FGR: variants seen among roughly 807,000 people sequenced by gnomAD.
FGR encodes the protein tyrosine-protein kinase Fgr.
In FGR, 26 loss-of-function variants were observed where a neutral mutation model predicts 63.2. The ratio of observed to expected loss-of-function variants is 0.41; its 90% CI spans 0.30 to 0.57. The LOEUF (loss-of-function observed/expected upper bound fraction) is 0.57, where lower values mean the gene tolerates loss of function less well. FGR is among the 20% of genes least tolerant of loss of function. The pLI is 0.27. For missense variants in FGR, 511 were observed against 690.8 expected (o/e 0.74, Z 2.92); for synonymous variants, 286 against 277.7 (o/e 1.03, Z -0.30).
chr1:27,622,154 A>G (rs2089940428), intron 4 of FGR, among the ~76,000 whole-genome samples: 1 of 152,062 alleles, frequency 6.6e-6, no homozygotes, highest in Non-Finnish European at 1.5e-5. Context: ...TTTACTGAAA[A>G]TACAAAAAAT....
chr1:27,618,031 C>T (rs1026002195), intron 5 of FGR, among the ~76,000 whole-genome samples: 3 of 152,178 alleles, frequency 2.0e-5, no homozygotes, highest in Admixed American at 2.0e-4. Context: ...ATGAAACTGG[C>T]CTGTGGCCAT....
rs2089829508 is a variant in FGR, at chr1:27,617,170, T to C, written c.532+23A>G. ...CCAATGGCTGGGCCTCCCAGTCGCC[T>C]TGGGGCGTGGCACCACCCCTACCTT... is the stretch of plus-strand genomic sequence containing the variant. On this transcript the variant is annotated intron_variant, in intron 6 of 12. Transcript: ENST00000374005. This position sits in a 1 kb window ranked among gnomAD's most constrained non-coding sequence, Gnocchi z 4.5. 2 of 1,610,294 alleles carry C rather than the reference T, an allele frequency of 1.2e-6. No homozygotes were observed. Among genetic ancestry groups the C allele is most frequent in the African/African-American group, 1.3e-5 (1 of 74,818 alleles).
At chr1:27,622,442 A>G (rs1328793971) in intron 4 of FGR, among the ~76,000 whole-genome samples, 1 of 149,054 alleles carries the variant, frequency 6.7e-6, no homozygotes, top group Non-Finnish European at 1.5e-5. Context: ...ATTCTCTCTC[A>G]CTCTCTTCCT....
chr1:27,621,380 C>G (rs1363210731), intron 5 of FGR, among the ~76,000 whole-genome samples, 179 bp downstream of exon 5: 1 of 152,184 alleles, frequency 6.6e-6, no homozygotes, highest in Non-Finnish European at 1.5e-5. Flanking sequence ...AGTACATGCT[C>G]TATTATCTAC....
Position 27,616,938 on chromosome 1 carries a change from G to A in FGR, c.601C>T (p.Arg201Cys), listed in dbSNP as rs777849644. The change falls in exon 7 of 13, where the codon CGC becomes TGC. Residue 201 changes from arginine (R) to cysteine (C), a missense_variant. By Grantham distance (180) the Arg-to-Cys change is radical. Coordinates refer to ENST00000374005, the MANE Select transcript of FGR (RefSeq NM_005248.3). The surrounding 1 kb of genome is among the most constrained non-coding windows in gnomAD (Gnocchi z 4.3). Reference protein sequence around the residue: ...RGDHVKHYKIRKLDMGGYYIT... With the variant: ...RGDHVKHYKICKLDMGGYYIT... ...TAGTAGCCGCCCATGTCCAGTTTGC[G>A]GATCTTGTAATGCTTCACATGATCG... 45 of 1,614,058 alleles carry A rather than the reference G, an allele frequency of 2.8e-5. No homozygotes were observed. Among genetic ancestry groups the A allele is most frequent in the African/African-American group, 4.0e-5 (3 of 74,898 alleles).
chr1:27,633,902 A>G (rs1334543253), intron 1 of FGR, among the ~76,000 whole-genome samples: 1 of 152,166 alleles, frequency 6.6e-6, no homozygotes, highest in East Asian at 1.9e-4. Context: ...GAGTGGACAC[A>G]AGGATCATTT....
At position 27,614,922 on chromosome 1, in the gene FGR, G is replaced by A; in HGVS notation, c.1023C>T (p.Ser341=). ...YIVTEFMCHG[S]LLDFLKNPEG... ...CTGGGTTCTTGAGAAAATCCAGCAA[G>A]CTGCCTGGGAAGAAGCCAGAAAGTC... The change falls in exon 10 of 13, where the codon AGC becomes AGT. Residue 341 remains serine, a synonymous_variant. Coordinates refer to ENST00000374005, the MANE Select transcript of FGR (RefSeq NM_005248.3). 2 of 1,596,802 alleles carry A rather than the reference G, an allele frequency of 1.3e-6. No individual in the cohort carries two copies. Among genetic ancestry groups the A allele is most frequent in the Non-Finnish European group, 1.7e-6 (2 of 1,170,230 alleles).
chr1:27,619,816 A>G (rs949154728), intron 5 of FGR, among the ~76,000 whole-genome samples: 1 of 152,196 alleles, frequency 6.6e-6, no homozygotes, highest in South Asian at 2.1e-4. Flanking sequence ...AAATGGTGCC[A>G]TCATCCACCC....
rs766542896 is a variant in FGR at position 27,623,082 on chromosome 1, T to A, written c.289A>T (p.Thr97Ser). 15 of 1,614,048 alleles carry A rather than the reference T, an allele frequency of 9.3e-6. No homozygotes were observed. The highest frequency in any genetic ancestry group is 1.3e-5 in the Non-Finnish European group (15 of 1,180,014). ...TGGAACTTCTCGCCCTTGGTGAAGG[T>A]GAGGTCATCCTCAGTTCGAGCCTCA... ...DYEARTEDDL[T>S]FTKGEKFHIL... The change falls in exon 4 of 13, where the codon ACC becomes TCC. Residue 97 changes from threonine to serine, a missense_variant. Thr to Ser is a moderately conservative substitution (Grantham distance 58). Transcript: ENST00000374005.
chr1:27,615,649 C>T lies in FGR; in HGVS notation c.839-36G>A. ...GCTGTCTTGTCAGGACCCTCTCCCC[C>T]GAGCCCAGGCCCTCGTCCCGGCCCC... is the stretch of plus-strand genomic sequence containing the variant. On this transcript the variant is annotated intron_variant, in intron 8 of 12. Transcript: ENST00000374005. This position sits in a 1 kb window ranked among gnomAD's most constrained non-coding sequence, Gnocchi z 7.6. 1 of 1,594,442 alleles carries T rather than the reference C, an allele frequency of 6.3e-7. No homozygotes were observed. Among genetic ancestry groups the T allele is most frequent in the Non-Finnish European group, 8.6e-7 (1 of 1,164,682 alleles).
At chr1:27,628,812 C>A (rs1433767710) in intron 1 of FGR, among the ~76,000 whole-genome samples, 2 of 152,188 alleles carry the variant, frequency 1.3e-5, no homozygotes, top group African/African-American at 4.8e-5. Context: ...AGAGCCCTGG[C>A]AGGACTGACC....
chr1:27,626,952 A>C (rs1258366604), intron 1 of FGR, among the ~76,000 whole-genome samples: 1 of 152,032 alleles, frequency 6.6e-6, no homozygotes, highest in Non-Finnish European at 1.5e-5. Context: ...TGATTGCTTG[A>C]GCCCAGGAGC....
chr1:27,614,957 G>C, intron 9 of FGR, 31 bp from the exon 10 acceptor site: 1 of 1,557,570 alleles, frequency 6.4e-7, no homozygotes, highest in Non-Finnish European at 8.7e-7. Flanking sequence ...CAGCGGCAAA[G>C]CCCTACCCCG....
chr1:27,619,480 C>T (rs779644540), intron 5 of FGR, among the ~76,000 whole-genome samples: 4 of 152,216 alleles, frequency 2.6e-5, no homozygotes, highest in Non-Finnish European at 4.4e-5. Flanking sequence ...CATGTGTCAC[C>T]GCCCCCAGCC....
intron 1 of FGR, among the ~76,000 whole-genome samples, chr1:27,630,912 A>T (rs571845633): frequency 1.4e-4 from 22 of 152,106 alleles, no homozygotes; most frequent in Non-Finnish European, 2.4e-4. Flanking sequence ...ATTCTTCAGT[A>T]GCTCTATGAC....
At chr1:27,621,457 G>T in intron 5 of FGR, 102 bp downstream of exon 5, 1 of 768,786 alleles carries the variant, frequency 1.3e-6, no homozygotes, top group Non-Finnish European at 2.3e-6. Flanking sequence ...TAGATAAGGA[G>T]ACAGGCTCGG....
In FGR at chr1:27,615,813, G is replaced by A. The variant is rs774066359; in HGVS notation, c.714C>T (p.Ile238=). 2.5e-6 allele frequency: 4 copies of A among 1,597,950 alleles called. No individual in the cohort carries two copies. Among genetic ancestry groups the A allele is most frequent in the Non-Finnish European group, 2.6e-6 (3 of 1,172,216 alleles). ...GCGGCTTCATGATGGTGCAGGGCGC[G>A]ATGAGCAGGTTGCACAGCCCGTCAT... ...EVNDGLCNLL[I]APCTIMKPQT... The change falls in exon 8 of 13, where the codon ATC becomes ATT. Residue 238 remains isoleucine, a synonymous_variant. Coordinates refer to ENST00000374005, the MANE Select transcript of FGR (RefSeq NM_005248.3). The surrounding 1 kb of genome is among the most constrained non-coding windows in gnomAD (Gnocchi z 7.6).
intron 9 of FGR, 64 bp from the exon 10 acceptor site, chr1:27,614,990 G>T (rs1186782333): frequency 1.5e-6 from 2 of 1,326,686 alleles, no homozygotes; most frequent in South Asian, 1.3e-5. Context: ...TCCTCCTCTC[G>T]CTTGACCCCG....
At position 27,617,713 on chromosome 1, in the gene FGR, AC is replaced by A. The variant is rs1295363447; in HGVS notation, c.429-418del. 6.6e-6 allele frequency among the ~76,000 whole-genome samples: 1 copy of A among 151,786 alleles called. No individual in the cohort carries two copies. The highest frequency in any genetic ancestry group is 2.4e-5 in the African/African-American group (1 of 41,250). On this transcript the variant is annotated intron_variant, in intron 5 of 12. Coordinates refer to ENST00000374005, the MANE Select transcript of FGR (RefSeq NM_005248.3). The surrounding 1 kb of genome is among the most constrained non-coding windows in gnomAD (Gnocchi z 4.5). ...TGCCGCTCTCCCTAGTTCTTTTTTC[AC>A]CACTCCAGTAATCAGATCACTCAGA...
Sources: gnomAD v4.1 joint callset for allele counts (sites outside exome capture counted in the v4.1 genomes callset) on GRCh38, gnomAD v4.1.1 for gene constraint, Gnocchi (gnomAD v3.1) non-coding constraint, MANE v1.5 for transcripts, NCBI Gene and HGNC (gene_info 2026-07-23, HGNC 2026-07-21) for gene names.